Variants in CFAP46 observed in about 807,000 individuals in gnomAD.
CFAP46 encodes the protein cilia and flagella associated protein 46.
In CFAP46, 245 loss-of-function variants were observed where a neutral mutation model predicts 325.7. The observed-to-expected ratio is 0.75, with a 90% CI of 0.68 to 0.84. The LOEUF (loss-of-function observed/expected upper bound fraction) is 0.84. Ranked by LOEUF, CFAP46 falls within the 40% of genes least tolerant of loss-of-function variation. The pLI is 0.00. For missense variants in CFAP46, 3,346 were observed against 3,543.0 expected (o/e 0.94, Z 1.41); for synonymous variants, 1,523 against 1,495.9 (o/e 1.02, Z -0.42).
intron 34 of CFAP46, among the ~76,000 whole-genome samples, chr10:132,866,373 C>T (rs73393225): frequency 0.081 from 12,302 of 152,224 alleles, 1,272 homozygotes; most frequent in African/African-American, 0.24. Flanking sequence ...TTGCCTTTCC[C>T]CCGACAGACC....
intron 22 of CFAP46, among the ~76,000 whole-genome samples, chr10:132,907,760 G>A (rs1849477009): frequency 6.6e-6 from 1 of 152,150 alleles, no homozygotes; most frequent in Admixed American, 6.5e-5. Flanking sequence ...CCTTTGAGGG[G>A]GGTTGGATCA....
In CFAP46 at chr10:132,937,047, A is replaced by G. The variant is rs374493099; in HGVS notation, c.669T>C (p.His223=). 8 of 1,507,278 alleles carry G rather than the reference A, an allele frequency of 5.3e-6. No homozygotes were observed. Among genetic ancestry groups the G allele is most frequent in the Non-Finnish European group, 6.3e-6 (7 of 1,115,338 alleles). 93.4% of individuals were successfully genotyped at this position (1,507,278 alleles called of 1,614,324 possible). The change falls in exon 7 of 58, where the codon CAT becomes CAC. Residue 223 remains histidine, a synonymous_variant. Coordinates refer to ENST00000368586, the MANE Select transcript of CFAP46 (RefSeq NM_001200049.3). ...TTAACTGAAGTTCGTCCATTAATTC[A>G]TGACGAACCTGTCATAAAATGGAGC... is the stretch of plus-strand genomic sequence containing the variant. The part of the protein sequence containing the change: ...YRQIFSVMVR[H]ELMDELQLKE...
chr10:132,822,282 G>A (rs972985803), intron 50 of CFAP46, among the ~76,000 whole-genome samples: 1 of 96,650 alleles, frequency 1.0e-5, no homozygotes, highest in South Asian at 3.7e-4. Flanking sequence ...CTGTGTGAGT[G>A]CTGGTGTGCT....
intron 15 of CFAP46, 31 bp from the exon 16 acceptor site, chr10:132,918,551 G>GT: frequency 6.7e-7 from 1 of 1,495,678 alleles, no homozygotes. Context: ...TAAGGATCAT[G>GT]TTTTTTTCTA....
At chr10:132,940,732 C>T (rs1228482873) in intron 4 of CFAP46, among the ~76,000 whole-genome samples, 1 of 152,174 alleles carries the variant, frequency 6.6e-6, no homozygotes, top group Non-Finnish European at 1.5e-5. Flanking sequence ...CATGTGCCAC[C>T]ACGCCCGGCA....
intron 22 of CFAP46, among the ~76,000 whole-genome samples, chr10:132,905,267 G>A (rs1486447475): frequency 6.6e-6 from 1 of 152,100 alleles, no homozygotes; most frequent in African/African-American, 2.4e-5. Flanking sequence ...TCTCTAACTG[G>A]TGTACGCCTC....
intron 38 of CFAP46, 50 bp from the exon 39 acceptor site, chr10:132,857,838 A>G: frequency 7.3e-7 from 1 of 1,366,994 alleles, no homozygotes; most frequent in Non-Finnish European, 9.8e-7. Flanking sequence ...TATTATTACT[A>G]AATGTTTAAT....
At chr10:132,872,427 T>C (rs1848906071) in intron 32 of CFAP46, 2 of 452,922 alleles carry the variant, frequency 4.4e-6, no homozygotes, top group Admixed American at 3.4e-5. Context: ...CTAATATATT[T>C]TTTAAATTTT....
intron 54 of CFAP46, 49 bp downstream of exon 54, chr10:132,814,103 C>T (rs1847639497): frequency 2.0e-6 from 3 of 1,504,202 alleles, no homozygotes; most frequent in Non-Finnish European, 2.8e-6. Context: ...CCCGCTGGAC[C>T]CCCAGACCTG....
rs1315144065 is a variant in CFAP46 at position 132,812,831 on chromosome 10, G to C, written c.7455C>G (p.Phe2485Leu). Residue 2485 changes from phenylalanine (F) to leucine (L), a missense_variant, in exon 55 of 58, where the codon TTC becomes TTG. By Grantham distance (22) the Phe-to-Leu change is conservative (BLOSUM62 0). Transcript: ENST00000368586. ...SGFFFYGMES[F>L]LSHILVERLV... The stretch of plus-strand genomic sequence containing the variant: ...ATCTCTCCACTAATATATGGGACAG[G>C]AAGCTCTCCATTCCATAGAAGAAGA... The C allele has an allele frequency of 6.2e-7, 1 of 1,612,234 alleles. No individual in the cohort carries two copies. The highest frequency in any genetic ancestry group is 8.5e-7 in the Non-Finnish European group (1 of 1,179,816).
In CFAP46 at chr10:132,832,398, C is replaced by CCCCCG. The variant is rs899709488; in HGVS notation, c.7117+959_7117+960insCGGGG. Among the ~76,000 whole-genome samples, 983 of 132,860 alleles carry CCCCCG rather than the reference C, an allele frequency of 7.4e-3. 23 individuals are homozygous for CCCCCG. The highest frequency in any genetic ancestry group is 0.013 in the Middle Eastern group (3 of 240). 87.2% of individuals were successfully genotyped at this position (132,860 alleles called of 152,430 possible). On this transcript the variant is annotated intron_variant, in intron 50 of 57. Coordinates refer to ENST00000368586, the MANE Select transcript of CFAP46 (RefSeq NM_001200049.3). The surrounding 1 kb of genome is among the most constrained non-coding windows in gnomAD (Gnocchi z 4.1). ...CCCTGGGCTCTTCCTGCCCCCCCCC[C>CCCCCG]CCAATGCTGTGGCCTGGAAATTCCC...
At chr10:132,834,888 T>C (rs1323022227) in intron 47 of CFAP46, 113 bp from the exon 48 acceptor site, 4 of 1,407,442 alleles carry the variant, frequency 2.8e-6, no homozygotes, top group Non-Finnish European at 3.8e-6. Context: ...GCAAACAGCA[T>C]GGTGGACAAG....
At chr10:132,916,111 C>T (rs1005730924) in intron 17 of CFAP46, among the ~76,000 whole-genome samples, 4 of 152,166 alleles carry the variant, frequency 2.6e-5, no homozygotes, top group South Asian at 4.1e-4. Flanking sequence ...AGGCAGTCCT[C>T]GATAGCTTTT....
chr10:132,838,350 T>C (rs1848299840), intron 44 of CFAP46, among the ~76,000 whole-genome samples: 1 of 152,234 alleles, frequency 6.6e-6, no homozygotes, highest in Non-Finnish European at 1.5e-5. Flanking sequence ...AAACTTACTA[T>C]CAAAGTAGAA....
chr10:132,935,640 C>A (rs1409040287), intron 7 of CFAP46, among the ~76,000 whole-genome samples: 1 of 143,360 alleles, frequency 7.0e-6, no homozygotes, highest in Non-Finnish European at 1.5e-5. Context: ...CTGTGATCTC[C>A]TCACTCCCCT....
intron 2 of CFAP46, 124 bp from the exon 3 acceptor site, chr10:132,941,846 C>T (rs1413326357): frequency 2.4e-5 from 36 of 1,525,404 alleles, no homozygotes; most frequent in Non-Finnish European, 3.0e-5. Flanking sequence ...CCAGCCCCAT[C>T]CTCCATCCTG....
chr10:132,826,344 G>C (rs1848050271), intron 50 of CFAP46, among the ~76,000 whole-genome samples: 1 of 137,888 alleles, frequency 7.3e-6, no homozygotes, highest in Non-Finnish European at 1.5e-5. Flanking sequence ...GCAGGAACTG[G>C]AGCCACAGAG....
intron 50 of CFAP46, among the ~76,000 whole-genome samples, chr10:132,821,649 T>C (rs1243236478): frequency 4.3e-5 from 5 of 116,492 alleles, no homozygotes; most frequent in East Asian, 5.4e-4. Flanking sequence ...GCTGTGTGAG[T>C]GCTGATGTGT....
At chr10:132,901,266 C>T (rs1426200964) in intron 22 of CFAP46, among the ~76,000 whole-genome samples, 2 of 152,308 alleles carry the variant, frequency 1.3e-5, no homozygotes, top group Middle Eastern at 3.4e-3. Flanking sequence ...AGTGTTGGTT[C>T]GTTTACGTTT....
Sources: allele counts gnomAD v4.1 joint callset (sites outside exome capture counted in the v4.1 genomes callset), GRCh38; gene constraint gnomAD v4.1.1; non-coding constraint Gnocchi (gnomAD v3.1); transcripts MANE v1.5; gene names NCBI Gene and HGNC (gene_info 2026-07-23, HGNC 2026-07-21).